ROS1: variants seen among roughly 807,000 people sequenced by gnomAD.
ROS1 encodes the protein ROS proto-oncogene 1, receptor tyrosine kinase.
A neutral mutation model predicts 273.5 loss-of-function variants in ROS1; 263 were observed. The observed-to-expected ratio is 0.96, with a 90% CI of 0.87 to 1.06. The LOEUF (loss-of-function observed/expected upper bound fraction) is 1.06. Among genes scored for constraint, ROS1 ranks in the 50% least tolerant of loss-of-function variants. ROS1 has a pLI of 0.00. For synonymous variants in ROS1, 1,008 were observed against 954.1 expected (o/e 1.06, Z -1.04); for missense variants, 2,833 against 2,751.1 (o/e 1.03, Z -0.67).
intron 11 of ROS1, among the ~76,000 whole-genome samples, chr6:117,393,764 C>T (rs1282104579): frequency 2.0e-5 from 3 of 152,156 alleles, no homozygotes; most frequent in African/African-American, 7.2e-5. Context: ...CCGAAAAGTA[C>T]AGTACTACTG....
At chr6:117,386,657 G>C (rs1772605309) in intron 15 of ROS1, among the ~76,000 whole-genome samples, 1 of 152,196 alleles carries the variant, frequency 6.6e-6, no homozygotes, top group Non-Finnish European at 1.5e-5. Context: ...AGCCTTCCTG[G>C]TGGGCATAAA....
rs9489124 is a variant in ROS1 at position 117,321,332 on chromosome 6, C to A, written c.5686G>T (p.Glu1896Ter). 5 of 1,613,674 alleles carry A rather than the reference C, an allele frequency of 3.1e-6. No individual in the cohort carries two copies. The highest frequency in any genetic ancestry group is 3.4e-6 in the Non-Finnish European group (4 of 1,179,798). ...AKEGVTVLIN[E>*]DKELAELRGL... Reference sequence around the variant, plus strand: ...CGCAGCTCAGCCAACTCTTTGTCTTCGTTTATAAGCACTGTCACCCCTTCC... The same window carrying A: ...CGCAGCTCAGCCAACTCTTTGTCTTAGTTTATAAGCACTGTCACCCCTTCC... The change falls in exon 36 of 44, where the codon GAA becomes TAA. Residue 1896 changes from glutamate to a stop codon, truncating the protein, a stop_gained. Transcript: ENST00000368507. LOFTEE classifies it high-confidence loss of function.
chr6:117,329,907 A>T (rs1470449095), intron 32 of ROS1, among the ~76,000 whole-genome samples: 8 of 152,118 alleles, frequency 5.3e-5, no homozygotes, highest in African/African-American at 1.9e-4. Context: ...GAATGTACAG[A>T]TTCTTATGGC....
intron 42 of ROS1, among the ~76,000 whole-genome samples, chr6:117,306,977 T>C (rs1271181131): frequency 6.6e-6 from 1 of 152,118 alleles, no homozygotes; most frequent in Non-Finnish European, 1.5e-5. Flanking sequence ...AATGGAAAAT[T>C]TTCATTTCAA....
At chr6:117,320,412 G>A (rs924189133) in intron 36 of ROS1, among the ~76,000 whole-genome samples, 2 of 152,056 alleles carry the variant, frequency 1.3e-5, no homozygotes, top group African/African-American at 4.8e-5. Flanking sequence ...GGGTTTATAA[G>A]CTTTTCTCTT....
At chr6:117,350,687 CTT>C (rs548987983) in intron 27 of ROS1, among the ~76,000 whole-genome samples, 46 of 130,006 alleles carry the variant, frequency 3.5e-4, no homozygotes, top group East Asian at 8.8e-4. Context: ...GGTTTTTTTC[CTT>C]TTTTTTTTTT....
At chr6:117,417,604 G>A (rs965257181) in intron 2 of ROS1, among the ~76,000 whole-genome samples, 1 of 152,142 alleles carries the variant, frequency 6.6e-6, no homozygotes, top group Non-Finnish European at 1.5e-5. Context: ...AAGGCCCTTC[G>A]TAATGTGGCT....
At position 117,308,873 on chromosome 6, in the gene ROS1, C is replaced by T. The variant is rs1740235982; in HGVS notation, c.6472G>A (p.Ala2158Thr). 1.2e-6 allele frequency: 2 copies of T among 1,613,202 alleles called. No homozygotes were observed. The highest frequency in any genetic ancestry group is 2.7e-5 in the African/African-American group (2 of 74,850). The change falls in exon 42 of 44, where the codon GCT becomes ACT. Residue 2158 changes from alanine (A) to threonine (T), a missense_variant. Ala to Thr is a moderately conservative substitution (Grantham distance 58). Coordinates refer to ENST00000368507, the MANE Select transcript of ROS1 (RefSeq NM_001378902.1). ...ILTLGHQPYPAHSNLDVLNYV... is the reference protein window; with the variant it reads ...ILTLGHQPYPTHSNLDVLNYV... ...TTTAACACATCAAGGTTGGAATGAG[C>T]TGGATAAGGCTGATGACCAAGAGTT...
rs531086338 is a variant in ROS1 at position 117,342,478 on chromosome 6, C to T, written c.4573G>A (p.Ala1525Thr). 1 of 1,605,488 alleles carries T rather than the reference C, an allele frequency of 6.2e-7. No individual in the cohort carries two copies. The highest frequency in any genetic ancestry group is 1.1e-5 in the South Asian group (1 of 90,790). Residue 1525 changes from alanine to threonine, a missense_variant, in exon 29 of 44, where the codon GCT becomes ACT. Ala to Thr is a moderately conservative substitution (Grantham distance 58, BLOSUM62 0). Transcript: ENST00000368507. ...GGATCTGAATAATAATTTTTTACAG[C>T]TATCTGTATCATGTATGTTGAAAAT... ...QPFSTYMIQIAVKNYYSDPLE... is the reference protein window; with the variant it reads ...QPFSTYMIQITVKNYYSDPLE...
Position 117,383,320 on chromosome 6 carries a change from T to C in ROS1, c.2478A>G (p.Lys826=), listed in dbSNP as rs1269764595. 1 of 1,611,656 alleles carries C rather than the reference T, an allele frequency of 6.2e-7. No individual in the cohort carries two copies. The highest frequency in any genetic ancestry group is 8.5e-7 in the Non-Finnish European group (1 of 1,177,946). ...ATCAGATCTTTTAATTTGTCACCTT[T>C]TTCCCAGAAAACCAAGGCTGTGTCT... ...VLQTQPWFSG[K]KVIALTLDLS... is the part of the protein sequence containing the mutation. Residue 826 remains lysine, a synonymous_variant, in exon 17 of 44, where the codon AAA becomes AAG. Transcript: ENST00000368507.
intron 42 of ROS1, among the ~76,000 whole-genome samples, chr6:117,306,017 C>T (rs993409532): frequency 1.4e-5 from 2 of 147,242 alleles, no homozygotes; most frequent in African/African-American, 5.0e-5. Flanking sequence ...CTCTTTACAA[C>T]TCTTCTCCTC....
chr6:117,346,339 T>C (rs1434996194), intron 27 of ROS1, among the ~76,000 whole-genome samples: 3 of 152,102 alleles, frequency 2.0e-5, no homozygotes, highest in Non-Finnish European at 4.4e-5. Flanking sequence ...TGCTTAAAAT[T>C]TCCAGCAGAT....
intron 5 of ROS1, among the ~76,000 whole-genome samples, chr6:117,406,219 T>G (rs1261214014): frequency 6.6e-6 from 1 of 152,154 alleles, no homozygotes; most frequent in Admixed American, 6.5e-5. Context: ...TGCAAATATA[T>G]ATGTTTATTT....
Position 117,362,803 on chromosome 6 carries a change from T to C in ROS1, c.3166A>G (p.Asn1056Asp), listed in dbSNP as rs746698627. Residue 1056 changes from asparagine (N) to aspartate (D), a missense_variant, in exon 22 of 44, where the codon AAT becomes GAT. Physicochemically the swap from Asn to Asp is conservative, Grantham distance 23. Transcript: ENST00000368507. ...CACCTAAATTCCACCACAACTTCATTCTTGTTGCAGCATTTTCCACTTGGT... is the reference window on the plus strand; with the variant it reads ...CACCTAAATTCCACCACAACTTCATCCTTGTTGCAGCATTTTCCACTTGGT... ...ILPSGKCCNK[N>D]EVVVEFRWNK... 1.2e-6 allele frequency: 2 copies of C among 1,613,678 alleles called. No individual in the cohort carries two copies. Among genetic ancestry groups the C allele is most frequent in the Non-Finnish European group, 1.7e-6 (2 of 1,179,726 alleles).
intron 32 of ROS1, 88 bp downstream of exon 32, chr6:117,337,084 T>A: frequency 9.5e-7 from 1 of 1,048,664 alleles, no homozygotes; most frequent in Middle Eastern, 2.1e-4. Flanking sequence ...AAAGAACAAT[T>A]TCATATATCT....
chr6:117,322,666 T>C (rs1158616917), intron 35 of ROS1, among the ~76,000 whole-genome samples: 1 of 152,216 alleles, frequency 6.6e-6, no homozygotes, highest in Non-Finnish European at 1.5e-5. Flanking sequence ...TGTTTATAAC[T>C]GATGAGTGCC....
Position 117,351,183 on chromosome 6 carries a change from T to C in ROS1, c.4303+1807A>G, listed in dbSNP as rs550774534. On this transcript the variant is annotated intron_variant, in intron 27 of 43. Transcript: ENST00000368507. ...AGATTAGATCTCAGTTAACTTCAAG[T>C]GGGTTTTTGCTTTGCTTTTCGACTG... Among the ~76,000 whole-genome samples the C allele has an allele frequency of 3.3e-5, 5 of 152,256 alleles. No individual in the cohort carries two copies. In the South Asian group the frequency reaches 6.2e-4, roughly 19 times the overall value.
At chr6:117,414,025 G>GAATAAAGC (rs113524515) in intron 4 of ROS1, among the ~76,000 whole-genome samples, 8,284 of 151,384 alleles carry the variant, frequency 0.055, 278 homozygotes, top group Middle Eastern at 0.092. Flanking sequence ...AGAAAGAGAG[G>GAATAAAGC]AAGAAAGCAA....
Position 117,385,728 on chromosome 6 carries a change from A to C in ROS1, c.2244T>G (p.Phe748Leu). 1 of 1,614,202 alleles carries C rather than the reference A, an allele frequency of 6.2e-7. No homozygotes were observed. The highest frequency in any genetic ancestry group is 8.5e-7 in the Non-Finnish European group (1 of 1,180,034). ...PSIAGAGALA[F>L]EWLGHFLYWA... ...AGTAGAGAAAGTGACCCAGCCACTC[A>C]AAAGCTAAAGCCCCTGCTCCTGCAA... Residue 748 changes from phenylalanine (F) to leucine (L), a missense_variant, in exon 16 of 44, where the codon TTT (phenylalanine) becomes TTG (leucine). Phe to Leu is a conservative substitution (Grantham distance 22). Transcript: ENST00000368507.
Sources: allele counts gnomAD v4.1 joint callset (sites outside exome capture counted in the v4.1 genomes callset), GRCh38; gene constraint gnomAD v4.1.1; transcripts MANE v1.5; gene names NCBI Gene and HGNC (gene_info 2026-07-23, HGNC 2026-07-21).